The following CASP14 variants were observed in gnomAD, a reference collection of about 807,000 sequenced individuals.
CASP14 encodes caspase-14.
Under a neutral mutation model 28.4 loss-of-function variants are expected in CASP14, and 27 were observed. That is an observed-to-expected ratio of 0.95 (90% CI 0.70 to 1.31). The LOEUF (loss-of-function observed/expected upper bound fraction) is 1.31, where lower values mean the gene tolerates loss of function less well. CASP14 is among the 50% of genes most tolerant of loss of function. CASP14 has a pLI of 0.00. For synonymous variants in CASP14, 115 were observed against 118.6 expected (o/e 0.97, Z 0.20); for missense variants, 323 against 312.8 (o/e 1.03, Z -0.25).
intron 2 of CASP14, among the ~76,000 whole-genome samples, chr19:15,052,659 C>T (rs944136622): frequency 3.3e-5 from 5 of 152,290 alleles, no homozygotes; most frequent in East Asian, 1.9e-4. Flanking sequence ...CTTCCTCAGA[C>T]GGGATCTCAG....
intron 2 of CASP14, 130 bp from the exon 3 acceptor site, chr19:15,053,352 C>T: frequency 8.9e-7 from 1 of 1,122,618 alleles, no homozygotes; most frequent in Non-Finnish European, 1.3e-6. Context: ...AAGCAATCCT[C>T]CCACCTCGGC....
intron 1 of CASP14, 46 bp downstream of exon 1, chr19:15,049,691 TCTCTCTCA>T (rs1274004104): frequency 3.3e-4 from 36 of 110,714 alleles, no homozygotes; most frequent in South Asian, 9.5e-4. Flanking sequence ...TCTCTCTCTC[TCTCTCTCA>T]CACACACACA....
intron 4 of CASP14, among the ~76,000 whole-genome samples, chr19:15,054,517 A>T (rs2046106607): frequency 6.6e-6 from 1 of 152,212 alleles, no homozygotes; most frequent in Non-Finnish European, 1.5e-5. Flanking sequence ...AGGAGTTAAG[A>T]GGCTGCAGTG....
intron 6 of CASP14, 43 bp from the exon 7 acceptor site, chr19:15,055,942 C>G: frequency 2.0e-6 from 3 of 1,506,450 alleles, no homozygotes; most frequent in Non-Finnish European, 2.7e-6. Flanking sequence ...CCCATAAGTC[C>G]ATGACACTGA....
intron 1 of CASP14, among the ~76,000 whole-genome samples, chr19:15,050,682 A>G (rs533182088): frequency 7.2e-5 from 11 of 152,248 alleles, no homozygotes; most frequent in South Asian, 6.2e-4. Flanking sequence ...GGATGGATGG[A>G]TGGATGAATG....
intron 4 of CASP14, 111 bp from the exon 5 acceptor site, chr19:15,055,047 C>T (rs2046109363): frequency 2.6e-6 from 2 of 768,324 alleles, no homozygotes; most frequent in Non-Finnish European, 2.3e-6. Flanking sequence ...TCAAGTGATC[C>T]TCCTGCTTCA....
In CASP14 at chr19:15,056,463, C is replaced by A. The variant is rs1397743785; in HGVS notation, c.*374C>A. The A allele has an allele frequency of 5.0e-6, 1 of 200,788 alleles. No individual in the cohort carries two copies. The highest frequency in any genetic ancestry group is 1.2e-4 in the East Asian group (1 of 8,506). The allele number at this position is 200,788 out of a possible 1,614,324, so 12.4% of individuals were successfully genotyped here. On this transcript the variant is annotated 3_prime_UTR_variant, in exon 7 of 7. Transcript: ENST00000427043. ...CATAGACAAACCAAAGCCCACTCAT[C>A]CCCTCCTACCCCAATCCAACCTCTG...
rs1017639053 is a variant in CASP14, at chr19:15,050,154, G to A, written c.-47+509G>A. ...CAGGTCCTTTGCGGATGGGAAAATC[G>A]AGTCTCAGAGAGGAGAGTGAGATGC... On this transcript the variant is annotated intron_variant, in intron 1 of 6. Transcript: ENST00000427043. Among the ~76,000 whole-genome samples the A allele has an allele frequency of 2.6e-5, 4 of 152,054 alleles. No individual in the cohort carries two copies. The South Asian group carries it at 6.2e-4, about 24-fold the overall frequency.
At chr19:15,051,785 C>T (rs916591242) in intron 1 of CASP14, among the ~76,000 whole-genome samples, 1 of 152,152 alleles carries the variant, frequency 6.6e-6, no homozygotes. Flanking sequence ...TCCTCCAAGG[C>T]ATCTCTTTGA....
chr19:15,053,598 C>T lies in CASP14; in HGVS notation c.144C>T (p.Phe48=), dbSNP rs751047294. 1.4e-5 allele frequency: 23 copies of T among 1,613,970 alleles called. No individual in the cohort carries two copies. The East Asian group carries it at 2.5e-4, about 17-fold the overall frequency. ...ALEHMFRQLR[F]ESTMKRDPTA... ...AACACATGTTTCGGCAGCTGAGATT[C>T]GAAAGCACCATGAAAAGAGACCCCA... Residue 48 remains phenylalanine, a synonymous_variant, in exon 3 of 7, where the codon TTC becomes TTT. Transcript: ENST00000427043.
In CASP14 at chr19:15,056,041, G is replaced by A. The variant is rs61750056; in HGVS notation, c.681G>A (p.Thr227=). ...ELVQEGKARK[T]NPEIQSTLRK... is the part of the protein sequence containing the mutation. ...TTCAAGAAGGAAAAGCAAGGAAAAC[G>A]AACCCTGAAATCCAAAGCACCCTCC... Residue 227 remains threonine, a synonymous_variant, in exon 7 of 7, where the codon ACG becomes ACA. Coordinates refer to ENST00000427043, the MANE Select transcript of CASP14 (RefSeq NM_012114.3). The A allele has an allele frequency of 2.2e-4, 352 of 1,608,776 alleles. 2 individuals carry two copies. In the African/African-American group the frequency reaches 4.3e-3, roughly 20 times the overall value.
In CASP14 at chr19:15,053,577, CAT is replaced by C. The variant is rs756242361; in HGVS notation, c.124_125del (p.Met42ValfsTer81). On this transcript the variant is annotated frameshift_variant, in exon 3 of 7. Transcript: ENST00000427043. LOFTEE classifies it high-confidence loss of function. The stretch of plus-strand genomic sequence containing the variant: ...AAGAAGACCTGGATGCTCTGGAACA[CAT>C]GTTTCGGCAGCTGAGATTCGAAAGC... Reference protein sequence around the residue: ...SEEDLDALEHMFRQLRFESTM... With the variant: ...SEEDLDALEHXFRQLRFESTM... 46 of 1,614,152 alleles carry C rather than the reference CAT, an allele frequency of 2.8e-5. No homozygotes were observed. Among genetic ancestry groups the C allele is most frequent in the East Asian group, 8.9e-5 (4 of 44,870 alleles).
In CASP14 at chr19:15,052,192, C is replaced by T; in HGVS notation, c.-46-14C>T. 5 of 1,554,202 alleles carry T rather than the reference C, an allele frequency of 3.2e-6. No individual in the cohort carries two copies. Among genetic ancestry groups the T allele is most frequent in the Non-Finnish European group, 4.3e-6 (5 of 1,151,278 alleles). On this transcript the variant is annotated splice_polypyrimidine_tract_variant and intron_variant, in intron 1 of 6. Coordinates refer to ENST00000427043, the MANE Select transcript of CASP14 (RefSeq NM_012114.3). ...CCTTTAGAGAACTTTAACCTATCTT[C>T]TCTTGACTCCAAGGATCAGACAAGG...
chr19:15,057,595 A>G lies in CASP14; in HGVS notation c.*1506A>G, dbSNP rs1487397962. On this transcript the variant is annotated 3_prime_UTR_variant, in exon 7 of 7. Transcript: ENST00000427043. The stretch of plus-strand genomic sequence containing the variant: ...TCAAGAAGACACAACATACCATATT[A>G]TTTAAAGACCAGGGTACTGGACAGT... 2 of 152,018 alleles carry G rather than the reference A, an allele frequency of 1.3e-5. No homozygotes were observed. Among genetic ancestry groups the G allele is most frequent in the African/African-American group, 2.4e-5 (1 of 41,296 alleles). 9.4% of individuals were successfully genotyped at this position (152,018 alleles called of 1,614,324 possible).
rs771317945 is a variant in CASP14 at position 15,053,507 on chromosome 19, G to T, written c.53G>T (p.Arg18Leu). ...EEEKYDMSGA[R>L]LALILCVTKA... Reference sequence around the variant, plus strand: ...GAGAAATATGATATGTCAGGTGCCCGCCTGGCCCTAATACTGTGTGTCACC... The same window carrying T: ...GAGAAATATGATATGTCAGGTGCCCTCCTGGCCCTAATACTGTGTGTCACC... The change falls in exon 3 of 7, where the codon CGC becomes CTC. Residue 18 changes from arginine to leucine, a missense_variant. Physicochemically the swap from Arg to Leu is moderately radical, Grantham distance 102. Coordinates refer to ENST00000427043, the MANE Select transcript of CASP14 (RefSeq NM_012114.3). The T allele has an allele frequency of 5.0e-6, 8 of 1,613,936 alleles. No homozygotes were observed. Among genetic ancestry groups the T allele is most frequent in the East Asian group, 2.2e-5 (1 of 44,888 alleles).
Position 15,053,909 on chromosome 19 carries a change from G to A in CASP14, c.354G>A (p.Gln118=). 6.2e-7 allele frequency: 1 copy of A among 1,614,138 alleles called. No homozygotes were observed. Among genetic ancestry groups the A allele is most frequent in the Non-Finnish European group, 8.5e-7 (1 of 1,180,026 alleles). Residue 118 remains glutamine, a synonymous_variant, in exon 4 of 7, where the codon CAG becomes CAA. Coordinates refer to ENST00000427043, the MANE Select transcript of CASP14 (RefSeq NM_012114.3). ...AGGCCCTGAACAACAAGAACTGCCAGGCCCTGCGAGCTAAGCCCAAGGTGT... is the reference window on the plus strand; with the variant it reads ...AGGCCCTGAACAACAAGAACTGCCAAGCCCTGCGAGCTAAGCCCAAGGTGT... ...LFEALNNKNC[Q]ALRAKPKVYI...
chr19:15,052,187 A>G lies in CASP14; in HGVS notation c.-46-19A>G. ...GCCTCCCTTTAGAGAACTTTAACCT[A>G]TCTTCTCTTGACTCCAAGGATCAGA... On this transcript the variant is annotated intron_variant, in intron 1 of 6. Coordinates refer to ENST00000427043, the MANE Select transcript of CASP14 (RefSeq NM_012114.3). The G allele has an allele frequency of 6.5e-7, 1 of 1,542,736 alleles. No homozygotes were observed. Among genetic ancestry groups the G allele is most frequent in the Non-Finnish European group, 8.7e-7 (1 of 1,145,138 alleles).
rs150737028 is a variant in CASP14, at chr19:15,058,244, C to T, written c.*2155C>T. ...CCACTTCTGGAGGGCAGGGAACAAG[C>T]CCTTAATCTGCATAATGAGTGTTCA... On this transcript the variant is annotated 3_prime_UTR_variant, in exon 7 of 7. Coordinates refer to ENST00000427043, the MANE Select transcript of CASP14 (RefSeq NM_012114.3). 2.0e-5 allele frequency: 3 copies of T among 152,324 alleles called. No individual in the cohort carries two copies. The highest frequency in any genetic ancestry group is 4.4e-5 in the Non-Finnish European group (3 of 68,050). 9.4% of individuals were successfully genotyped at this position (152,324 alleles called of 1,614,324 possible). A position where few individuals can be genotyped will look rare whatever the true frequency, so the allele number is the denominator to read the frequency against.
rs2046100378 is a variant in CASP14 at position 15,053,504 on chromosome 19, C to T, written c.50C>T (p.Ala17Val). 1 of 1,614,066 alleles carries T rather than the reference C, an allele frequency of 6.2e-7. No homozygotes were observed. Among genetic ancestry groups the T allele is most frequent in the East Asian group, 2.2e-5 (1 of 44,884 alleles). Residue 17 changes from alanine (A) to valine (V), a missense_variant, in exon 3 of 7, where the codon GCC (alanine) becomes GTC (valine). Transcript: ENST00000427043. ...LEEEKYDMSG[A>V]RLALILCVTK... is the part of the protein sequence containing the mutation. ...CAGGAGAAATATGATATGTCAGGTG[C>T]CCGCCTGGCCCTAATACTGTGTGTC... is the stretch of plus-strand genomic sequence containing the variant.
Sources: gnomAD v4.1 joint callset for allele counts (sites outside exome capture counted in the v4.1 genomes callset) on GRCh38, gnomAD v4.1.1 for gene constraint, MANE v1.5 for transcripts, NCBI Gene and HGNC (gene_info 2026-07-23, HGNC 2026-07-21) for gene names.